NRXN1: variants seen among roughly 807,000 people sequenced by gnomAD.
The protein encoded by NRXN1 is neurexin 1.
A neutral mutation model predicts 150.9 loss-of-function variants in NRXN1; 39 were observed. That is an observed-to-expected ratio of 0.26 (90% CI 0.20 to 0.34). The LOEUF (loss-of-function observed/expected upper bound fraction) is 0.34, where lower values mean the gene tolerates loss of function less well. NRXN1 is among the 10% of genes least tolerant of loss of function. The pLI, the probability that NRXN1 is intolerant of heterozygous loss-of-function variation, is 1.00. For synonymous variants in NRXN1, 924 were observed against 757.0 expected (o/e 1.22, Z -3.62); for missense variants, 1,815 against 1,949.9 (o/e 0.93, Z 1.30).
chr2:49,974,101 A>G, intron 21 of NRXN1: 2 of 716,806 alleles, frequency 2.8e-6, no homozygotes, highest in Non-Finnish European at 5.2e-6. Flanking sequence ...TGGTGACAGG[A>G]GAGCTCCCTG....
intron 5 of NRXN1, among the ~76,000 whole-genome samples, chr2:50,725,055 T>C (rs1191283196): frequency 1.3e-5 from 2 of 151,200 alleles, no homozygotes; most frequent in African/African-American, 2.4e-5. Context: ...GTAATAATTA[T>C]CCACACTTGG....
intron 5 of NRXN1, among the ~76,000 whole-genome samples, chr2:50,685,695 G>C (rs578116732): frequency 1.3e-5 from 2 of 152,078 alleles, no homozygotes; most frequent in East Asian, 3.9e-4. Context: ...CAATTAATTT[G>C]TCTAATTTTG....
At chr2:50,017,354 A>G (rs1450154817) in intron 21 of NRXN1, among the ~76,000 whole-genome samples, 1 of 152,212 alleles carries the variant, frequency 6.6e-6, no homozygotes, top group Non-Finnish European at 1.5e-5. Context: ...AAAATTAACC[A>G]TAAACTGCCC....
chr2:50,474,682 G>GAA (rs1558794690), intron 15 of NRXN1, among the ~76,000 whole-genome samples: 12 of 4,178 alleles, frequency 2.9e-3, no homozygotes, highest in African/African-American at 3.0e-3. Context: ...CACAGAAATA[G>GAA]CAAAAAAAAA....
At chr2:50,362,396 A>C (rs1165943164) in intron 17 of NRXN1, among the ~76,000 whole-genome samples, 1 of 152,218 alleles carries the variant, frequency 6.6e-6, no homozygotes, top group Non-Finnish European at 1.5e-5. Flanking sequence ...AAATTCAACA[A>C]AATCTCAGGA....
intron 18 of NRXN1, among the ~76,000 whole-genome samples, chr2:50,125,689 T>C (rs1704483445): frequency 2.6e-5 from 4 of 152,110 alleles, no homozygotes; most frequent in Non-Finnish European, 4.4e-5. Flanking sequence ...TATGCTGATC[T>C]TGGGACATGA....
intron 5 of NRXN1, among the ~76,000 whole-genome samples, chr2:50,803,815 A>T (rs778861473): frequency 6.6e-6 from 1 of 152,130 alleles, no homozygotes; most frequent in Non-Finnish European, 1.5e-5. Context: ...CTTAAGAATT[A>T]TTTTCAAAAA....
intron 8 of NRXN1, among the ~76,000 whole-genome samples, chr2:50,577,427 T>C (rs1671602810): frequency 1.3e-5 from 2 of 152,174 alleles, no homozygotes; most frequent in Admixed American, 1.3e-4. Flanking sequence ...TAGACCTTTA[T>C]GATTGATTTC....
intron 18 of NRXN1, among the ~76,000 whole-genome samples, chr2:50,223,137 C>T (rs945342936): frequency 6.6e-6 from 1 of 151,574 alleles, no homozygotes; most frequent in African/African-American, 2.4e-5. Context: ...CCTCACTAGT[C>T]TATTGAATCT....
chr2:50,465,647 C>A (rs2104647983), intron 16 of NRXN1, 86 bp from the exon 17 acceptor site: 1 of 1,385,384 alleles, frequency 7.2e-7, no homozygotes, highest in South Asian at 1.5e-5. Context: ...GTAGTAGTTG[C>A]CAACACCACA....
rs114984438 is a variant in NRXN1, at chr2:50,173,449, T to C, written c.3546+63340A>G. ...ACTGATGACATACAAGACTCCTAAC[T>C]GGATTTTGAAGATTGAGTACAGTAT... On this transcript the variant is annotated intron_variant, in intron 18 of 22. Transcript: ENST00000401669. Among the ~76,000 whole-genome samples the C allele has an allele frequency of 3.4e-3, 512 of 152,284 alleles. 1 individual carries two copies. Among genetic ancestry groups the C allele is most frequent in the Non-Finnish European group, 5.2e-3 (356 of 68,028 alleles).
chr2:50,706,583 T>G lies in NRXN1; in HGVS notation c.833-82968A>C, dbSNP rs191805781. ...CTTTACAAGAAATCTTCACAGCCAATAAAGTAGACACTAGCTGTGGTTTAT... is the reference window on the plus strand; with the variant it reads ...CTTTACAAGAAATCTTCACAGCCAAGAAAGTAGACACTAGCTGTGGTTTAT... On this transcript the variant is annotated intron_variant, in intron 5 of 22. Coordinates refer to ENST00000401669, the MANE Select transcript of NRXN1 (RefSeq NM_001330078.2). Among the ~76,000 whole-genome samples the G allele has an allele frequency of 2.0e-5, 3 of 152,252 alleles. No homozygotes were observed. The East Asian group carries it at 5.8e-4, about 29-fold the overall frequency.
At chr2:50,998,546 G>T (rs1244702139) in intron 2 of NRXN1, among the ~76,000 whole-genome samples, 1 of 151,976 alleles carries the variant, frequency 6.6e-6, no homozygotes, top group Non-Finnish European at 1.5e-5. Context: ...CTTCAAAAAG[G>T]AACTTTGGGT....
rs181027140 is a variant in NRXN1, at chr2:50,357,838, T to A, written c.3364+107604A>T. Among the ~76,000 whole-genome samples the A allele has an allele frequency of 3.4e-3, 512 of 152,244 alleles. 2 individuals carry two copies. Among genetic ancestry groups the A allele is most frequent in the Non-Finnish European group, 5.2e-3 (354 of 68,002 alleles). On this transcript the variant is annotated intron_variant, in intron 17 of 22. Transcript: ENST00000401669. Reference sequence around the variant, plus strand: ...GGTCTGCAGCTCCTAGCAAGACCAATTCAGAAGGCAGGTGATTTCTGCATT... The same window carrying A: ...GGTCTGCAGCTCCTAGCAAGACCAAATCAGAAGGCAGGTGATTTCTGCATT...
chr2:50,249,981 T>C (rs2066890482), intron 17 of NRXN1, among the ~76,000 whole-genome samples: 1 of 152,106 alleles, frequency 6.6e-6, no homozygotes, highest in African/African-American at 2.4e-5. Context: ...CCATTCTTAA[T>C]ACCATCCGCA....
At chr2:50,543,400 A>AT (rs1558910689) in intron 9 of NRXN1, among the ~76,000 whole-genome samples, 1 of 152,092 alleles carries the variant, frequency 6.6e-6, no homozygotes, top group Non-Finnish European at 1.5e-5. Flanking sequence ...ATGCTATTTT[A>AT]TTTTTTAAAG....
intron 18 of NRXN1, among the ~76,000 whole-genome samples, chr2:50,212,258 A>C (rs933202702): frequency 4.6e-5 from 7 of 151,318 alleles, no homozygotes; most frequent in African/African-American, 1.7e-4. Flanking sequence ...TCAACAAGAT[A>C]AGCAGTTTCA....
intron 2 of NRXN1, among the ~76,000 whole-genome samples, chr2:50,971,004 C>A (rs1694908353): frequency 1.3e-5 from 2 of 151,954 alleles, no homozygotes; most frequent in South Asian, 2.1e-4. Context: ...CTTTATCCTG[C>A]AAGAAAAGGT....
chr2:50,259,725 G>C (rs143834967), intron 17 of NRXN1, among the ~76,000 whole-genome samples: 6 of 151,912 alleles, frequency 3.9e-5, no homozygotes, highest in African/African-American at 1.4e-4. Context: ...TATTTGCAGT[G>C]TTCCCCTTTT....
Sources: gnomAD v4.1 joint callset for allele counts (sites outside exome capture counted in the v4.1 genomes callset) on GRCh38, gnomAD v4.1.1 for gene constraint, MANE v1.5 for transcripts, NCBI Gene and HGNC (gene_info 2026-07-23, HGNC 2026-07-21) for gene names.